The following CENPP variants were observed in gnomAD, a reference collection of about 807,000 sequenced individuals.
CENPP encodes the protein centromere protein P.
A neutral mutation model predicts 35.6 loss-of-function variants in CENPP; 24 were observed. The ratio of observed to expected loss-of-function variants is 0.67; its 90% CI spans 0.49 to 0.95. The LOEUF is 0.95. Among genes scored for constraint, CENPP ranks in the 40% least tolerant of loss-of-function variants. The pLI is 0.00. For synonymous variants in CENPP, 120 were observed against 125.5 expected, an observed-to-expected ratio of 0.96 and a Z score of 0.29; for missense variants, 332 against 345.3, an observed-to-expected ratio of 0.96 and a Z score of 0.31.
In CENPP at chr9:92,361,287, C is replaced by T. The variant is rs1394270585; in HGVS notation, c.467+15500C>T. 6.0e-5 allele frequency among the ~76,000 whole-genome samples: 9 copies of T among 150,360 alleles called. No individual in the cohort carries two copies. In the East Asian group the frequency reaches 1.8e-3, roughly 30 times the overall value. On this transcript the variant is annotated intron_variant, in intron 4 of 7. Coordinates refer to ENST00000375587, the MANE Select transcript of CENPP (RefSeq NM_001012267.3). ...TCCCTAGTAGCTGGGACTACAGGCA[C>T]ATGCCACCACATCTGGCTAATTTTT...
At chr9:92,547,856 A>C (rs935641003) in intron 5 of CENPP, among the ~76,000 whole-genome samples, 7 of 152,218 alleles carry the variant, frequency 4.6e-5, no homozygotes, top group Non-Finnish European at 8.8e-5. Flanking sequence ...AAATACTGAC[A>C]GTTTTCCCTT....
intron 5 of CENPP, among the ~76,000 whole-genome samples, chr9:92,416,098 ATTTTATTT>A (rs1462308076): frequency 1.5e-5 from 2 of 133,528 alleles, no homozygotes; most frequent in African/African-American, 6.0e-5. Flanking sequence ...TTATTTATTT[ATTTTATTT>A]TTTTTTTTTT....
In CENPP at chr9:92,619,190, G is replaced by A. The variant is rs1002960050; in HGVS notation, c.*6041G>A. On this transcript the variant is annotated 3_prime_UTR_variant, in exon 8 of 8. Transcript: ENST00000375587. ...TTTCTTTGAGGGAATGCAATGGGCAGCTCACTGTCCACATTGTTTCTGAGC... is the reference window on the plus strand; with the variant it reads ...TTTCTTTGAGGGAATGCAATGGGCAACTCACTGTCCACATTGTTTCTGAGC... 7.6e-5 allele frequency: 26 copies of A among 341,928 alleles called. No individual in the cohort carries two copies. Among genetic ancestry groups the A allele is most frequent in the Non-Finnish European group, 1.1e-4 (20 of 180,458 alleles). 21.2% of individuals were successfully genotyped at this position (341,928 alleles called of 1,614,324 possible).
chr9:92,325,982 G>T lies in CENPP; in HGVS notation c.-17G>T, dbSNP rs1840468511. On this transcript the variant is annotated 5_prime_UTR_variant, in exon 1 of 8. Coordinates refer to ENST00000375587, the MANE Select transcript of CENPP (RefSeq NM_001012267.3). ...TGACAGCTGCGCTGCCGGCCCGGCT[G>T]CGGTCAGCAACGCGCCATGGACGCA... 6 of 1,545,228 alleles carry T rather than the reference G, an allele frequency of 3.9e-6. No homozygotes were observed. The East Asian group carries it at 1.5e-4, about 38-fold the overall frequency.
chr9:92,619,805 G>A lies in CENPP; in HGVS notation c.*6656G>A. 1.8e-6 allele frequency: 1 copy of A among 543,512 alleles called. No individual in the cohort carries two copies. Among genetic ancestry groups the A allele is most frequent in the Non-Finnish European group, 3.3e-6 (1 of 299,732 alleles). The allele number at this position is 543,512 out of a possible 1,614,324, so 33.7% of individuals were successfully genotyped here. Reference sequence around the variant, plus strand: ...CAGCACCGCCCCCTGACCTCTCACGGCAAGCAGTGTGGGACCCCGACTCCA... The same window carrying A: ...CAGCACCGCCCCCTGACCTCTCACGACAAGCAGTGTGGGACCCCGACTCCA... On this transcript the variant is annotated 3_prime_UTR_variant, in exon 8 of 8. Transcript: ENST00000375587.
chr9:92,543,459 G>GAA (rs1365204708), intron 5 of CENPP, among the ~76,000 whole-genome samples: 1 of 95,042 alleles, frequency 1.1e-5, no homozygotes, highest in Non-Finnish European at 1.9e-5. Context: ...GTGACAGAGT[G>GAA]AAACCCTGTC....
intron 5 of CENPP, among the ~76,000 whole-genome samples, chr9:92,552,099 A>ATCATATATATGTGATATGATAGG (rs1849621685): frequency 8.3e-6 from 1 of 120,668 alleles, no homozygotes; most frequent in Non-Finnish European, 1.8e-5. Flanking sequence ...GATATGATAG[A>ATCATATATATGTGATATGATAGG]TCTATCATAT....
intron 5 of CENPP, among the ~76,000 whole-genome samples, chr9:92,545,568 C>T (rs1038010757): frequency 5.3e-5 from 8 of 152,200 alleles, no homozygotes; most frequent in African/African-American, 1.9e-4. Flanking sequence ...GCCTCCCCGA[C>T]GAGCTCTGCC....
chr9:92,330,303 A>G (rs1408720631), intron 1 of CENPP, among the ~76,000 whole-genome samples: 2 of 152,238 alleles, frequency 1.3e-5, no homozygotes, highest in East Asian at 3.9e-4. Context: ...TGAGCTATCA[A>G]GCTAGATCTA....
chr9:92,559,208 C>G (rs999668801), intron 5 of CENPP, among the ~76,000 whole-genome samples: 1 of 152,184 alleles, frequency 6.6e-6, no homozygotes, highest in African/African-American at 2.4e-5. Flanking sequence ...GAGTTTTACC[C>G]CTGCTCCTCT....
chr9:92,464,873 G>T, intron 5 of CENPP: 1 of 1,311,680 alleles, frequency 7.6e-7, no homozygotes, highest in Non-Finnish European at 1.1e-6. Context: ...GTTATTGAAA[G>T]GTGACAACTT....
intron 1 of CENPP, among the ~76,000 whole-genome samples, chr9:92,327,626 A>G (rs1192183069): frequency 1.3e-5 from 2 of 152,254 alleles, no homozygotes; most frequent in African/African-American, 4.8e-5. Context: ...GTACTTAAGT[A>G]CACAGGCCTT....
At chr9:92,474,645 C>T (rs1260841450) in intron 5 of CENPP, 2 of 1,613,170 alleles carry the variant, frequency 1.2e-6, no homozygotes, top group East Asian at 4.5e-5. Flanking sequence ...CAATGTACAA[C>T]TCGTGAATAG....
intron 5 of CENPP, among the ~76,000 whole-genome samples, chr9:92,475,556 CAG>C (rs1029769215): frequency 2.6e-5 from 4 of 152,144 alleles, no homozygotes; most frequent in African/African-American, 9.7e-5. Flanking sequence ...AAAACAGAAA[CAG>C]ATTATCTTAC....
chr9:92,475,386 A>T (rs980566762), intron 5 of CENPP, among the ~76,000 whole-genome samples: 1 of 152,198 alleles, frequency 6.6e-6, no homozygotes, highest in Admixed American at 6.5e-5. Context: ...ACTTACAAAC[A>T]CTCATAAACA....
At chr9:92,383,239 A>G (rs1842305995) in intron 5 of CENPP, among the ~76,000 whole-genome samples, 1 of 152,130 alleles carries the variant, frequency 6.6e-6, no homozygotes, top group Admixed American at 6.5e-5. Flanking sequence ...TAAATGTTGA[A>G]GTTAGGAAAT....
chr9:92,522,952 G>A, intron 5 of CENPP: 1 of 1,459,330 alleles, frequency 6.9e-7, no homozygotes, highest in Non-Finnish European at 9.0e-7. Context: ...CTGAAAATTG[G>A]CTTATATATT....
chr9:92,410,325 C>G (rs115531883), intron 5 of CENPP, among the ~76,000 whole-genome samples: 244 of 152,268 alleles, frequency 1.6e-3, no homozygotes, highest in African/African-American at 5.6e-3. Flanking sequence ...TCTGTCTCCT[C>G]CTTGGGCCCT....
chr9:92,449,834 C>T (rs1414184143), intron 5 of CENPP, among the ~76,000 whole-genome samples: 2 of 152,194 alleles, frequency 1.3e-5, no homozygotes, highest in Admixed American at 1.3e-4. Flanking sequence ...TCCCCAGAAG[C>T]AGACTCTGCC....
Sources: gnomAD v4.1 joint callset for allele counts (sites outside exome capture counted in the v4.1 genomes callset) on GRCh38, gnomAD v4.1.1 for gene constraint, MANE v1.5 for transcripts, NCBI Gene and HGNC (gene_info 2026-07-23, HGNC 2026-07-21) for gene names.